The following NUP93 variants were observed in gnomAD, a reference collection of about 807,000 sequenced individuals.
NUP93 encodes nucleoporin 93, also known as nuclear pore complex protein Nup93.
Under a neutral mutation model 107.8 loss-of-function variants are expected in NUP93, and 55 were observed. The observed-to-expected ratio is 0.51, with a 90% CI of 0.41 to 0.64. The LOEUF (loss-of-function observed/expected upper bound fraction) is 0.64. Among genes scored for constraint, NUP93 ranks in the 30% least tolerant of loss-of-function variants. The probability of loss-of-function intolerance (pLI) is 0.00; values close to 1 mark genes in which losing one functional copy is unlikely to be tolerated. For synonymous variants in NUP93, 390 were observed against 397.5 expected, an observed-to-expected ratio of 0.98 and a Z score of 0.22; for missense variants, 937 against 1,044.7, an observed-to-expected ratio of 0.90 and a Z score of 1.42.
intron 2 of NUP93, among the ~76,000 whole-genome samples, chr16:56,757,843 A>C (rs1326300491): frequency 6.6e-6 from 1 of 152,232 alleles, no homozygotes; most frequent in African/African-American, 2.4e-5. Flanking sequence ...TAGTTTCCTT[A>C]GCTCATGAAT....
chr16:56,769,079 G>A (rs1247823508), intron 3 of NUP93, among the ~76,000 whole-genome samples: 1 of 152,146 alleles, frequency 6.6e-6, no homozygotes, highest in East Asian at 1.9e-4. Context: ...AGATATGCCA[G>A]ACCAGAGCTC....
chr16:56,804,933 A>T (rs1036467424), intron 4 of NUP93, among the ~76,000 whole-genome samples: 8 of 151,810 alleles, frequency 5.3e-5, no homozygotes, highest in Non-Finnish European at 1.2e-4. Context: ...TTTATATTTT[A>T]CCGAAGTTTT....
At chr16:56,752,196 T>G (rs964320163) in intron 2 of NUP93, among the ~76,000 whole-genome samples, 1 of 152,192 alleles carries the variant, frequency 6.6e-6, no homozygotes, top group Non-Finnish European at 1.5e-5. Context: ...AATTTAGACA[T>G]AGCTAGCAAA....
At chr16:56,747,378 C>A (rs984715481) in intron 1 of NUP93, among the ~76,000 whole-genome samples, 7 of 152,144 alleles carry the variant, frequency 4.6e-5, no homozygotes, top group Non-Finnish European at 4.4e-5. Flanking sequence ...TGGTCAAGAA[C>A]CTTATATAAG....
rs1964136440 is a variant in NUP93 at position 56,848,087 on chromosome 16, A to G, written c.*3478A>G. On this transcript the variant is annotated 3_prime_UTR_variant, in exon 22 of 22. Coordinates refer to ENST00000308159, the MANE Select transcript of NUP93 (RefSeq NM_014669.5). ...CCAACGCCTTCCTGCTTTAGACTGG[A>G]TCTCTACTATCCTTTTTCTCTACTA... is the stretch of plus-strand genomic sequence containing the variant. 1 of 152,196 alleles carries G rather than the reference A, an allele frequency of 6.6e-6. No individual in the cohort carries two copies. The highest frequency in any genetic ancestry group is 2.1e-4 in the South Asian group (1 of 4,832). The allele number at this position is 152,196 out of a possible 1,614,324, so 9.4% of individuals were successfully genotyped here. A position where few individuals can be genotyped will look rare whatever the true frequency, so the allele number is the denominator to read the frequency against.
At chr16:56,732,732 T>C (rs1363805869) in intron 1 of NUP93, among the ~76,000 whole-genome samples, 1 of 152,158 alleles carries the variant, frequency 6.6e-6, no homozygotes, top group Non-Finnish European at 1.5e-5. Context: ...CCACTCCTCA[T>C]GAAAAAGTTT....
intron 3 of NUP93, among the ~76,000 whole-genome samples, chr16:56,773,819 A>C (rs780175269): frequency 7.2e-5 from 11 of 152,142 alleles, no homozygotes; most frequent in South Asian, 2.1e-4. Context: ...CTAATACTGA[A>C]TTTTCACTAA....
intron 5 of NUP93, among the ~76,000 whole-genome samples, chr16:56,818,333 G>A (rs1963474568): frequency 6.6e-6 from 1 of 152,210 alleles, no homozygotes; most frequent in South Asian, 2.1e-4. Context: ...CATGGGAAGG[G>A]AGGATGAGGT....
chr16:56,758,459 G>T, intron 2 of NUP93, 79 bp from the exon 3 acceptor site: 1 of 1,030,328 alleles, frequency 9.7e-7, no homozygotes. Flanking sequence ...TCTAGTATTT[G>T]ATGAAGCATA....
chr16:56,731,314 C>CT (rs1390668132), intron 1 of NUP93, among the ~76,000 whole-genome samples: 28 of 151,950 alleles, frequency 1.8e-4, no homozygotes, highest in African/African-American at 6.5e-4. Flanking sequence ...CCTGTTGCCT[C>CT]TTTTTTCTCA....
Position 56,846,654 on chromosome 16 carries a change from G to A in NUP93, c.*2045G>A, listed in dbSNP as rs1403160130. ...GAACCCAAGAGGCGGAGGTTGCAGT[G>A]AGCCGAGCTTATGCCACTGCACTCC... is the stretch of plus-strand genomic sequence containing the variant. On this transcript the variant is annotated 3_prime_UTR_variant, in exon 22 of 22. Transcript: ENST00000308159. The A allele has an allele frequency of 6.6e-6, 1 of 152,206 alleles. No individual in the cohort carries two copies. Among genetic ancestry groups the A allele is most frequent in the African/African-American group, 2.4e-5 (1 of 41,448 alleles). 9.4% of individuals were successfully genotyped at this position (152,206 alleles called of 1,614,324 possible).
chr16:56,836,638 C>G lies in NUP93; in HGVS notation c.1820C>G (p.Pro607Arg). Reference sequence around the variant, plus strand: ...GATAAGTTTACTAGTGACACAAAGCCTATTATCAACAAAGTTGCTTCTGTG... The same window carrying G: ...GATAAGTTTACTAGTGACACAAAGCGTATTATCAACAAAGTTGCTTCTGTG... ...VIDKFTSDTK[P>R]IINKVASVAE... Residue 607 changes from proline (P) to arginine (R), a missense_variant, in exon 17 of 22, where the codon CCT becomes CGT. Physicochemically the swap from Pro to Arg is moderately radical, Grantham distance 103. Transcript: ENST00000308159. The G allele has an allele frequency of 2.5e-6, 4 of 1,613,990 alleles. No individual in the cohort carries two copies. Among genetic ancestry groups the G allele is most frequent in the Non-Finnish European group, 3.4e-6 (4 of 1,179,886 alleles).
chr16:56,824,869 A>G (rs1179075637), intron 8 of NUP93, among the ~76,000 whole-genome samples: 1 of 152,170 alleles, frequency 6.6e-6, no homozygotes, highest in African/African-American at 2.4e-5. Context: ...CTCAAAATGG[A>G]TTTTTATTCT....
At chr16:56,760,143 A>G (rs1328878567) in intron 3 of NUP93, among the ~76,000 whole-genome samples, 1 of 152,188 alleles carries the variant, frequency 6.6e-6, no homozygotes, top group African/African-American at 2.4e-5. Flanking sequence ...ATCAAAGAGA[A>G]TTTCTTAATT....
At chr16:56,834,485 T>A in intron 15 of NUP93, 43 bp downstream of exon 15, 2 of 1,584,892 alleles carry the variant, frequency 1.3e-6, no homozygotes, top group Non-Finnish European at 1.7e-6. Context: ...GTTTTCAGTG[T>A]GCATGTCCCA....
chr16:56,740,105 C>G (rs1484668232), intron 1 of NUP93, among the ~76,000 whole-genome samples: 1 of 97,620 alleles, frequency 1.0e-5, no homozygotes, highest in Non-Finnish European at 2.2e-5. Flanking sequence ...CCGGACGGGG[C>G]GGCTGGCCAG....
chr16:56,834,672 G>C, intron 15 of NUP93, 62 bp from the exon 16 acceptor site: 1 of 1,454,868 alleles, frequency 6.9e-7, no homozygotes, highest in Non-Finnish European at 9.6e-7. Context: ...TTTCTCTGAA[G>C]ACTTATGGAA....
At chr16:56,771,520 G>A (rs1403585521) in intron 3 of NUP93, among the ~76,000 whole-genome samples, 8 of 152,104 alleles carry the variant, frequency 5.3e-5, no homozygotes, top group Admixed American at 5.2e-4. Flanking sequence ...TTAATGTTTT[G>A]TCCCTGCCTT....
chr16:56,833,689 C>T (rs1963849829), intron 13 of NUP93, among the ~76,000 whole-genome samples: 1 of 151,578 alleles, frequency 6.6e-6, no homozygotes, highest in African/African-American at 2.4e-5. Context: ...AGAAGCAGCC[C>T]CTAGAGTTAT....
Sources: allele counts gnomAD v4.1 joint callset (sites outside exome capture counted in the v4.1 genomes callset), GRCh38; gene constraint gnomAD v4.1.1; transcripts MANE v1.5; gene names NCBI Gene and HGNC (gene_info 2026-07-23, HGNC 2026-07-21).